GPC6: variants seen among roughly 807,000 people sequenced by gnomAD.
GPC6 encodes glypican 6.
Under a neutral mutation model 55.2 loss-of-function variants are expected in GPC6, and 14 were observed. The ratio of observed to expected loss-of-function variants is 0.25; its 90% CI spans 0.17 to 0.40. GPC6 has a LOEUF of 0.40. Among genes scored for constraint, GPC6 ranks in the 10% least tolerant of loss-of-function variants. The pLI, the probability that GPC6 is intolerant of heterozygous loss-of-function variation, is 1.00. For missense variants in GPC6, 641 were observed against 708.5 expected, an observed-to-expected ratio of 0.90 and a Z score of 1.08; for synonymous variants, 278 against 259.6, an observed-to-expected ratio of 1.07 and a Z score of -0.68.
intron 4 of GPC6, among the ~76,000 whole-genome samples, chr13:94,040,713 T>C (rs1883500953): frequency 6.6e-6 from 1 of 151,886 alleles, no homozygotes; most frequent in Non-Finnish European, 1.5e-5. Context: ...TAGGCTGCAT[T>C]CAGTCTTCCA....
At chr13:93,804,367 T>G (rs1404211761) in intron 2 of GPC6, among the ~76,000 whole-genome samples, 2 of 152,192 alleles carry the variant, frequency 1.3e-5, no homozygotes, top group Non-Finnish European at 2.9e-5. Flanking sequence ...GGGTCCACCA[T>G]TACATATGTA....
intron 4 of GPC6, among the ~76,000 whole-genome samples, chr13:94,099,090 C>A (rs1371431445): frequency 1.3e-5 from 2 of 152,060 alleles, no homozygotes; most frequent in African/African-American, 4.8e-5. Flanking sequence ...GAGACTCTTT[C>A]TTATGATGAG....
At chr13:94,273,854 C>T (rs1286433083) in intron 4 of GPC6, among the ~76,000 whole-genome samples, 2 of 152,142 alleles carry the variant, frequency 1.3e-5, no homozygotes, top group African/African-American at 4.8e-5. Context: ...ATCTTTAAGG[C>T]AAGGAATGAT....
rs1876028298 is a variant in GPC6, at chr13:93,231,377, ATACATATATATATATATATG to A, written c.160+3764_160+3783del. The stretch of plus-strand genomic sequence containing the variant: ...TATATATACGTATATATATATATAT[ATACATATATATATATATATG>A]TATATATATATATATATATATATAT... On this transcript the variant is annotated intron_variant, in intron 1 of 8. Coordinates refer to ENST00000377047, the MANE Select transcript of GPC6 (RefSeq NM_005708.5). Among the ~76,000 whole-genome samples the A allele has an allele frequency of 3.7e-4, 7 of 18,706 alleles. No homozygotes were observed. In the South Asian group the frequency reaches 0.012, roughly 32 times the overall value. 12.3% of individuals were successfully genotyped at this position (18,706 alleles called of 152,430 possible).
chr13:94,155,605 C>T (rs1027786131), intron 4 of GPC6, among the ~76,000 whole-genome samples: 3 of 152,140 alleles, frequency 2.0e-5, no homozygotes, highest in Non-Finnish European at 4.4e-5. Flanking sequence ...AACAACTGCA[C>T]TCCTGGGGCA....
chr13:93,885,591 G>A (rs1875274439), intron 3 of GPC6, among the ~76,000 whole-genome samples: 3 of 151,988 alleles, frequency 2.0e-5, no homozygotes, highest in Non-Finnish European at 4.4e-5. Context: ...CCTATCTTGC[G>A]ACAGATGACT....
At chr13:94,024,988 C>T (rs1227316544) in intron 3 of GPC6, among the ~76,000 whole-genome samples, 1 of 152,090 alleles carries the variant, frequency 6.6e-6, no homozygotes, top group African/African-American at 2.4e-5. Context: ...TTGTGCATAG[C>T]ACAAGGTTAT....
At chr13:94,190,405 C>T (rs1889352814) in intron 4 of GPC6, among the ~76,000 whole-genome samples, 1 of 152,112 alleles carries the variant, frequency 6.6e-6, no homozygotes, top group Non-Finnish European at 1.5e-5. Flanking sequence ...ACTGAAAATA[C>T]AGCAGCATTC....
chr13:93,748,800 T>A (rs977254408), intron 2 of GPC6, among the ~76,000 whole-genome samples: 1 of 152,096 alleles, frequency 6.6e-6, no homozygotes, highest in Non-Finnish European at 1.5e-5. Context: ...AAGAGTGTCT[T>A]ATTTTCATGA....
chr13:93,507,005 T>G (rs2139378994), intron 1 of GPC6, among the ~76,000 whole-genome samples: 1 of 126,728 alleles, frequency 7.9e-6, no homozygotes. Flanking sequence ...AAGCTTGCAG[T>G]GAGCCGAGAT....
At chr13:94,266,389 C>G (rs9524388) in intron 4 of GPC6, among the ~76,000 whole-genome samples, 4 of 151,524 alleles carry the variant, frequency 2.6e-5, no homozygotes, top group Admixed American at 1.3e-4. Context: ...AGGATGGTCT[C>G]GATCTCCTGA....
At chr13:93,842,487 T>C (rs1473753001) in intron 3 of GPC6, among the ~76,000 whole-genome samples, 1 of 152,170 alleles carries the variant, frequency 6.6e-6, no homozygotes, top group East Asian at 1.9e-4. Context: ...CAGATTTTTT[T>C]TCAGTGTTAG....
chr13:93,766,965 T>C (rs1374122651), intron 2 of GPC6, among the ~76,000 whole-genome samples: 4 of 152,138 alleles, frequency 2.6e-5, no homozygotes, highest in African/African-American at 9.7e-5. Context: ...CACAGTGCTT[T>C]AAAATGCACT....
intron 4 of GPC6, among the ~76,000 whole-genome samples, chr13:94,089,123 A>G (rs1885390190): frequency 6.6e-6 from 1 of 152,200 alleles, no homozygotes; most frequent in African/African-American, 2.4e-5. Context: ...GATTTAGAGC[A>G]TGATTAAAAG....
intron 1 of GPC6, among the ~76,000 whole-genome samples, chr13:93,293,892 C>A (rs1476320838): frequency 6.6e-6 from 1 of 152,128 alleles, no homozygotes; most frequent in Admixed American, 6.6e-5. Flanking sequence ...AAGATTGCAA[C>A]CTCTTTATAC....
intron 1 of GPC6, among the ~76,000 whole-genome samples, chr13:93,281,311 T>A (rs927161078): frequency 1.3e-5 from 2 of 152,258 alleles, no homozygotes; most frequent in African/African-American, 4.8e-5. Context: ...ATGAAGACAC[T>A]GGCAGATGCG....
At chr13:93,230,393 A>G (rs947293876) in intron 1 of GPC6, among the ~76,000 whole-genome samples, 1 of 152,134 alleles carries the variant, frequency 6.6e-6, no homozygotes, top group Non-Finnish European at 1.5e-5. Context: ...CTTTCAGAGA[A>G]TGCTTGGGAA....
chr13:93,419,567 G>A (rs1876847308), intron 1 of GPC6, among the ~76,000 whole-genome samples: 1 of 152,056 alleles, frequency 6.6e-6, no homozygotes, highest in Non-Finnish European at 1.5e-5. Context: ...GAAATAAAAT[G>A]AAACACAACG....
intron 2 of GPC6, among the ~76,000 whole-genome samples, chr13:93,746,248 G>C (rs1047018651): frequency 6.6e-6 from 1 of 152,158 alleles, no homozygotes; most frequent in African/African-American, 2.4e-5. Flanking sequence ...TCAGTGGTGA[G>C]GCAGGAAGTG....
Sources: gnomAD v4.1 joint callset for allele counts (sites outside exome capture counted in the v4.1 genomes callset) on GRCh38, gnomAD v4.1.1 for gene constraint, MANE v1.5 for transcripts, NCBI Gene and HGNC (gene_info 2026-07-23, HGNC 2026-07-21) for gene names.